Variants in XDH observed in about 807,000 individuals in gnomAD.
The protein encoded by XDH is xanthine dehydrogenase/oxidase.
XDH carries 138 observed loss-of-function variants against 156.1 expected under a neutral mutation model. The observed-to-expected ratio is 0.88, with a 90% CI of 0.77 to 1.02. The LOEUF is 1.02. Ranked by LOEUF, XDH falls within the 50% of genes least tolerant of loss-of-function variation. The pLI is 0.00. For synonymous variants in XDH, 669 were observed against 625.7 expected (o/e 1.07, Z -1.03); for missense variants, 1,849 against 1,684.9 (o/e 1.10, Z -1.71).
At chr2:31,348,154 A>ACAGGGC in intron 28 of XDH, 114 bp downstream of exon 28, 1 of 1,061,132 alleles carries the variant, frequency 9.4e-7, no homozygotes, top group Non-Finnish European at 1.4e-6. Context: ...GACATAAGCA[A>ACAGGGC]CAGGGCCAGG....
chr2:31,365,803 C>G (rs1685899999), intron 22 of XDH, among the ~76,000 whole-genome samples, 173 bp downstream of exon 22: 1 of 152,186 alleles, frequency 6.6e-6, no homozygotes, highest in Non-Finnish European at 1.5e-5. Flanking sequence ...CACAACGGAA[C>G]AGGCGATGTT....
chr2:31,357,190 G>GA (rs1558683728), intron 24 of XDH, among the ~76,000 whole-genome samples: 5 of 152,156 alleles, frequency 3.3e-5, no homozygotes, highest in Admixed American at 6.5e-5. Flanking sequence ...CAAGAACCTA[G>GA]AAAAAGAGAA....
rs148858736 is a variant in XDH, at chr2:31,385,715, G to C, written c.793+699C>G. Among the ~76,000 whole-genome samples, 453 of 152,330 alleles carry C rather than the reference G, an allele frequency of 3.0e-3. 1 individual carries two copies. The highest frequency in any genetic ancestry group is 0.01 in the African/African-American group (430 of 41,576). On this transcript the variant is annotated intron_variant, in intron 9 of 35. Coordinates refer to ENST00000379416, the MANE Select transcript of XDH (RefSeq NM_000379.4). The stretch of plus-strand genomic sequence containing the variant: ...ACTGGGGCTGAGAGGTGCATATTCT[G>C]AGTCTCCCAGCCTGTTCAACTATTC...
At chr2:31,397,781 G>T in intron 5 of XDH, 52 bp from the exon 6 acceptor site, 1 of 1,608,098 alleles carries the variant, frequency 6.2e-7, no homozygotes, top group Non-Finnish European at 8.5e-7. Flanking sequence ...TGGGATGGGT[G>T]AGGAGTTTGT....
At chr2:31,401,147 C>T (rs1205179574) in intron 4 of XDH, 73 bp downstream of exon 4, 3 of 1,559,140 alleles carry the variant, frequency 1.9e-6, no homozygotes, top group Non-Finnish European at 2.6e-6. Context: ...AGCAAGTCTG[C>T]AACTTTGGCA....
At chr2:31,397,752 C>A (rs1558313321) in intron 5 of XDH, 23 bp from the exon 6 acceptor site, 1 of 1,614,092 alleles carries the variant, frequency 6.2e-7, no homozygotes, top group East Asian at 2.2e-5. Context: ...GAAAAAACTG[C>A]AATGTCAGTG....
At chr2:31,349,649 C>A (rs1323927157) in intron 26 of XDH, 37 bp downstream of exon 26, 1 of 1,613,078 alleles carries the variant, frequency 6.2e-7, no homozygotes, top group Admixed American at 1.7e-5. Context: ...GATATGAAAC[C>A]CAGAAGAGCA....
At chr2:31,378,175 G>GCA (rs1686325429) in intron 13 of XDH, among the ~76,000 whole-genome samples, 2 of 71,614 alleles carry the variant, frequency 2.8e-5, no homozygotes, top group South Asian at 1.1e-3. Context: ...AGGAAGGAAG[G>GCA]AAGCAAGCAA....
At chr2:31,341,282 G>T (rs757991672) in intron 33 of XDH, 47 bp downstream of exon 33, 1 of 1,525,824 alleles carries the variant, frequency 6.6e-7, no homozygotes, top group Non-Finnish European at 8.9e-7. Flanking sequence ...GGAATGGGGT[G>T]CATCGGTGGC....
intron 18 of XDH, among the ~76,000 whole-genome samples, chr2:31,369,628 C>A (rs1317863482): frequency 6.6e-6 from 1 of 152,180 alleles, no homozygotes; most frequent in African/African-American, 2.4e-5. Context: ...ATCTGGCTGA[C>A]TTTCACTAGC....
intron 13 of XDH, among the ~76,000 whole-genome samples, chr2:31,378,601 T>C (rs1483584560): frequency 6.6e-6 from 1 of 152,144 alleles, no homozygotes; most frequent in Non-Finnish European, 1.5e-5. Context: ...AGCCCAGAGT[T>C]TGACCTTTGT....
chr2:31,400,265 G>A (rs186353865), intron 4 of XDH, among the ~76,000 whole-genome samples: 7 of 142,636 alleles, frequency 4.9e-5, no homozygotes, highest in African/African-American at 1.6e-4. Flanking sequence ...TTGAGATGGA[G>A]TCTCACTCTG....
At chr2:31,406,061 G>C in intron 1 of XDH, 97 bp from the exon 2 acceptor site, 2 of 1,342,398 alleles carry the variant, frequency 1.5e-6, no homozygotes, top group Non-Finnish European at 2.1e-6. Flanking sequence ...ATAATTTGTA[G>C]AGTTAGTAGG....
At chr2:31,376,614 A>C (rs946729900) in intron 14 of XDH, among the ~76,000 whole-genome samples, 2 of 149,748 alleles carry the variant, frequency 1.3e-5, no homozygotes, top group Admixed American at 1.3e-4. Context: ...AATAACAGCA[A>C]TAATACTAAT....
chr2:31,382,970 C>T lies in XDH; in HGVS notation c.1038+31G>A, dbSNP rs376241548. On this transcript the variant is annotated intron_variant, in intron 11 of 35. Coordinates refer to ENST00000379416, the MANE Select transcript of XDH (RefSeq NM_000379.4). ...GCTTTCAGATGAAAGCTCCATCCTA[C>T]GGGCCTCGCTTGCTTCTGAGAGCGA... The T allele has an allele frequency of 2.2e-4, 355 of 1,613,746 alleles. 1 individual carries two copies. The highest frequency in any genetic ancestry group is 2.6e-4 in the Non-Finnish European group (306 of 1,179,972).
chr2:31,337,287 A>T (rs894765119), intron 35 of XDH, among the ~76,000 whole-genome samples: 2 of 152,206 alleles, frequency 1.3e-5, no homozygotes, highest in Non-Finnish European at 1.5e-5. Context: ...TAAATTAAAA[A>T]AAAAAATGCT....
At chr2:31,336,206 T>G (rs780596831) in intron 35 of XDH, among the ~76,000 whole-genome samples, 198 bp from the exon 36 acceptor site, 1 of 152,248 alleles carries the variant, frequency 6.6e-6, no homozygotes, top group Non-Finnish European at 1.5e-5. Flanking sequence ...CTGAGCACTT[T>G]CCACATGGCA....
In XDH at chr2:31,380,678, C is replaced by T. The variant is rs1404825595; in HGVS notation, c.1133-702G>A. The stretch of plus-strand genomic sequence containing the variant: ...GAAGATTGGACCTGGTTCCTCCAGA[C>T]TTTGCTCCCATGTATCTTTTCCCTT... On this transcript the variant is annotated intron_variant, in intron 12 of 35. Coordinates refer to ENST00000379416, the MANE Select transcript of XDH (RefSeq NM_000379.4). 2.6e-5 allele frequency among the ~76,000 whole-genome samples: 4 copies of T among 152,228 alleles called. No homozygotes were observed. In the East Asian group the frequency reaches 7.7e-4, roughly 29 times the overall value.
chr2:31,394,881 C>A (rs918648431), intron 6 of XDH, among the ~76,000 whole-genome samples: 1 of 152,176 alleles, frequency 6.6e-6, no homozygotes, highest in African/African-American at 2.4e-5. Context: ...TCTAGCATTT[C>A]TTTTTAATTC....
Sources: gnomAD v4.1 joint callset for allele counts (sites outside exome capture counted in the v4.1 genomes callset) on GRCh38, gnomAD v4.1.1 for gene constraint, MANE v1.5 for transcripts, NCBI Gene and HGNC (gene_info 2026-07-23, HGNC 2026-07-21) for gene names.